METTL8: variants seen among roughly 807,000 people sequenced by gnomAD.
The protein encoded by METTL8 is methyltransferase 8, tRNA N3-cytidine.
A neutral mutation model predicts 48.7 loss-of-function variants in METTL8; 32 were observed. That is an observed-to-expected ratio of 0.66 (90% CI 0.50 to 0.88). The LOEUF (loss-of-function observed/expected upper bound fraction) is 0.88, where lower values mean the gene tolerates loss of function less well. Among genes scored for constraint, METTL8 ranks in the 40% least tolerant of loss-of-function variants. METTL8 has a pLI of 0.00. For synonymous variants in METTL8, 136 were observed against 157.1 expected (o/e 0.87, Z 1.01); for missense variants, 464 against 474.4 (o/e 0.98, Z 0.20).
chr2:171,350,094 T>C (rs545348528), intron 3 of METTL8, among the ~76,000 whole-genome samples: 2 of 152,298 alleles, frequency 1.3e-5, no homozygotes, highest in South Asian at 4.1e-4. Flanking sequence ...GTATATCTCC[T>C]AATGCTATCC....
At chr2:171,429,866 C>G (rs1692807629) in intron 1 of METTL8, among the ~76,000 whole-genome samples, 1 of 151,784 alleles carries the variant, frequency 6.6e-6, no homozygotes, top group Non-Finnish European at 1.5e-5. Flanking sequence ...ATGATGAAAC[C>G]CCATCTCTAC....
chr2:171,432,200 G>T (rs560341112), intron 1 of METTL8, among the ~76,000 whole-genome samples: 1 of 151,992 alleles, frequency 6.6e-6, no homozygotes, highest in Admixed American at 6.6e-5. Context: ...CTCCAGCTGC[G>T]GAGGTCTCCA....
intron 2 of METTL8, chr2:171,375,040 T>C: frequency 9.2e-7 from 1 of 1,092,822 alleles, no homozygotes; most frequent in Non-Finnish European, 1.4e-6. Flanking sequence ...TACTTTGCTG[T>C]GAATTGCACA....
intron 3 of METTL8, among the ~76,000 whole-genome samples, chr2:171,350,119 C>T (rs912595822): frequency 2.0e-5 from 3 of 152,116 alleles, no homozygotes; most frequent in Non-Finnish European, 2.9e-5. Context: ...CCACTCCCGC[C>T]ACCCCACAAT....
At chr2:171,326,871 T>C (rs1254410411) in intron 7 of METTL8, 5 of 152,186 alleles carry the variant, frequency 3.3e-5, no homozygotes, top group African/African-American at 1.2e-4. Flanking sequence ...GATGAATAAT[T>C]CTGCTTAAAA....
chr2:171,410,510 T>C (rs759787179), intron 1 of METTL8, among the ~76,000 whole-genome samples: 14 of 152,210 alleles, frequency 9.2e-5, no homozygotes, highest in Non-Finnish European at 1.3e-4. Context: ...GTCTAGAAGG[T>C]ACTAATGTTG....
chr2:171,421,998 A>G (rs1691921606), intron 1 of METTL8, among the ~76,000 whole-genome samples: 1 of 152,244 alleles, frequency 6.6e-6, no homozygotes, highest in South Asian at 2.1e-4. Flanking sequence ...TTTAAAAGGT[A>G]TATGAAAGTG....
upstream of METTL8, chr2:171,434,666 G>A (rs1693694818): frequency 6.6e-7 from 1 of 1,521,298 alleles, no homozygotes; most frequent in African/African-American, 1.4e-5. Context: ...GTGGTGCAGA[G>A]GACCAACCTG....
In METTL8 at chr2:171,422,001, T is replaced by C. The variant is rs142324476; in HGVS notation, c.-13+11882A>G. On this transcript the variant is annotated intron_variant, in intron 1 of 9. Transcript: ENST00000375258. ...GCCCAAGCTGATTTTAAAAGGTATA[T>C]GAAAGTGTCAATGGCAAAAAAGAAA... Among the ~76,000 whole-genome samples the C allele has an allele frequency of 5.2e-4, 79 of 152,288 alleles. 2 individuals carry two copies. The East Asian group carries it at 0.013, about 26-fold the overall frequency.
intron 3 of METTL8, among the ~76,000 whole-genome samples, chr2:171,354,143 G>C (rs1167176369): frequency 6.6e-6 from 1 of 152,128 alleles, no homozygotes; most frequent in African/African-American, 2.4e-5. Context: ...AGCTCTTGTA[G>C]GGCAGGCCTG....
At chr2:171,409,816 T>A (rs1690567512) in intron 1 of METTL8, among the ~76,000 whole-genome samples, 1 of 152,090 alleles carries the variant, frequency 6.6e-6, no homozygotes, top group Admixed American at 6.5e-5. Context: ...TCCAGGAAAC[T>A]GCAATGTTCT....
At chr2:171,345,986 A>G (rs1211742415) in intron 3 of METTL8, among the ~76,000 whole-genome samples, 1 of 152,158 alleles carries the variant, frequency 6.6e-6, no homozygotes, top group East Asian at 1.9e-4. Context: ...TAATCTGGGC[A>G]ATCTTATTGA....
chr2:171,381,080 T>G (rs1316708773), intron 2 of METTL8, among the ~76,000 whole-genome samples: 1 of 151,942 alleles, frequency 6.6e-6, no homozygotes, highest in Non-Finnish European at 1.5e-5. Flanking sequence ...AACACAGACC[T>G]CCATTAAACA....
chr2:171,397,458 G>A (rs547661159), intron 1 of METTL8, among the ~76,000 whole-genome samples: 13 of 146,954 alleles, frequency 8.8e-5, no homozygotes, highest in East Asian at 8.1e-4. Flanking sequence ...GGAGGCCAAC[G>A]AGGGAGGATC....
At chr2:171,408,619 T>C (rs1450253578) in intron 1 of METTL8, among the ~76,000 whole-genome samples, 1 of 151,998 alleles carries the variant, frequency 6.6e-6, no homozygotes, top group Admixed American at 6.6e-5. Flanking sequence ...TACTGCTCCT[T>C]AATAGCAGAA....
Position 171,339,289 on chromosome 2 carries a change from G to A in METTL8, c.501C>T (p.Ser167=). The A allele has an allele frequency of 2.5e-6, 4 of 1,612,836 alleles. No individual in the cohort carries two copies. The highest frequency in any genetic ancestry group is 2.7e-5 in the African/African-American group (2 of 74,964). The change falls in exon 4 of 10, where the codon AGC becomes AGT. Residue 167 remains serine, a synonymous_variant. Transcript: ENST00000375258. ...GGTTGGAAAAATCAGATTCTGTTTT[G>A]CTTTGACCTTCTGAAGAACCAGAAC... ...EKSSGSSEGQ[S]KTESDFSNLD...
At chr2:171,353,006 G>A (rs1033756841) in intron 3 of METTL8, among the ~76,000 whole-genome samples, 6 of 152,068 alleles carry the variant, frequency 3.9e-5, no homozygotes, top group African/African-American at 1.2e-4. Context: ...CTTGCCTTCT[G>A]CTAGCTTTTG....
chr2:171,331,926 C>G, intron 5 of METTL8, 59 bp from the exon 6 acceptor site: 1 of 1,310,496 alleles, frequency 7.6e-7, no homozygotes, highest in Non-Finnish European at 1.1e-6. Flanking sequence ...TGCGCTGTTG[C>G]CCAGGTTGGA....
At chr2:171,325,558 T>C (rs1024441378) in intron 9 of METTL8, among the ~76,000 whole-genome samples, 3 of 152,220 alleles carry the variant, frequency 2.0e-5, no homozygotes, top group Non-Finnish European at 4.4e-5. Context: ...ATTTTTTTCA[T>C]ATCTAGGCTA....
Sources: allele counts gnomAD v4.1 joint callset (sites outside exome capture counted in the v4.1 genomes callset), GRCh38; gene constraint gnomAD v4.1.1; transcripts MANE v1.5; gene names NCBI Gene and HGNC (gene_info 2026-07-23, HGNC 2026-07-21).